The following S1PR4 variants were observed in gnomAD, a reference collection of about 807,000 sequenced individuals.
S1PR4 encodes the protein sphingosine 1-phosphate receptor 4.
In S1PR4, 1 loss-of-function variant was observed where a neutral mutation model predicts 0.4. The ratio of observed to expected loss-of-function variants is 2.48; its 90% CI spans 0.88 to 11.76. The LOEUF (loss-of-function observed/expected upper bound fraction) is 11.76, where lower values mean the gene tolerates loss of function less well. Among genes scored for constraint, S1PR4 ranks in the 30% most tolerant of loss-of-function variants. S1PR4 has a pLI of 0.12. For missense variants in S1PR4, 595 were observed against 557.8 expected (o/e 1.07, Z -0.67); for synonymous variants, 296 against 266.7 (o/e 1.11, Z -1.07).
Position 3,179,966 on chromosome 19 carries a change from G to T in S1PR4, c.*19G>T. ...CATCTGAAGTTGCAGTCTTGCGTGT[G>T]GATGGTGCAGCCACCGGGTGCGTGC... is the stretch of plus-strand genomic sequence containing the variant. On this transcript the variant is annotated 3_prime_UTR_variant, in exon 1 of 1. Coordinates refer to ENST00000246115, the MANE Select transcript of S1PR4 (RefSeq NM_003775.4). 2 of 1,508,668 alleles carry T rather than the reference G, an allele frequency of 1.3e-6. No individual in the cohort carries two copies. The highest frequency in any genetic ancestry group is 2.7e-5 in the South Asian group (2 of 74,676). The allele number at this position is 1,508,668 out of a possible 1,614,324, so 93.5% of individuals were successfully genotyped here.
chr19:3,178,901 G>A lies in S1PR4; in HGVS notation c.109G>A (p.Gly37Arg), dbSNP rs746634486. Residue 37 changes from glycine (G) to arginine (R), a missense_variant, in exon 1 of 1, where the codon GGG (glycine) becomes AGG (arginine). By Grantham distance (125) the Gly-to-Arg change is moderately radical (BLOSUM62 -2). Coordinates refer to ENST00000246115, the MANE Select transcript of S1PR4 (RefSeq NM_003775.4). ...CTACAACCACTCGGGCCGGCTGGCC[G>A]GGCGCGGGGGGCCGGAGGATGGCGG... ...LHYNHSGRLAGRGGPEDGGLG... is the reference protein window; with the variant it reads ...LHYNHSGRLARRGGPEDGGLG... 5.4e-5 allele frequency: 83 copies of A among 1,523,230 alleles called. No homozygotes were observed. The highest frequency in any genetic ancestry group is 1.5e-4 in the Admixed American group (7 of 47,666). The allele number at this position is 1,523,230 out of a possible 1,614,324, so 94.4% of individuals were successfully genotyped here.
At position 3,178,867 on chromosome 19, in the gene S1PR4, T is replaced by A. The variant is rs1479205842; in HGVS notation, c.75T>A (p.Ile25=). The A allele has an allele frequency of 6.5e-7, 1 of 1,537,166 alleles. No homozygotes were observed. The highest frequency in any genetic ancestry group is 2.0e-5 in the Admixed American group (1 of 50,560). The change falls in exon 1 of 1, where the codon ATT becomes ATA. Residue 25 remains isoleucine (I), a synonymous_variant. Coordinates refer to ENST00000246115, the MANE Select transcript of S1PR4 (RefSeq NM_003775.4). The part of the protein sequence containing the change: ...QLAAGGHSRL[I]VLHYNHSGRL... ...CGGCCGGCGGGCACAGCCGGCTCAT[T>A]GTTCTGCACTACAACCACTCGGGCC... is the stretch of plus-strand genomic sequence containing the variant.
Position 3,179,931 on chromosome 19 carries a change from G to C in S1PR4, c.1139G>C (p.Ser380Thr). Residue 380 changes from serine (S) to threonine (T), a missense_variant, in exon 1 of 1, where the codon AGC (serine) becomes ACC (threonine). Physicochemically the swap from Ser to Thr is moderately conservative, Grantham distance 58. Transcript: ENST00000246115. Reference protein sequence around the residue: ...RMREPLSSISSVRSI With the variant: ...RMREPLSSISTVRSI ...CGGGAGCCCCTGTCCAGCATCTCCA[G>C]CGTGCGGAGCATCTGAAGTTGCAGT... 1 of 1,512,292 alleles carries C rather than the reference G, an allele frequency of 6.6e-7. No individual in the cohort carries two copies. The highest frequency in any genetic ancestry group is 2.3e-5 in the East Asian group (1 of 43,540). 93.7% of individuals were successfully genotyped at this position (1,512,292 alleles called of 1,614,324 possible).
rs1915507549 is a variant in S1PR4 at position 3,179,689 on chromosome 19, C to T, written c.897C>T (p.Asn299=). 6.8e-6 allele frequency: 11 copies of T among 1,613,482 alleles called. No homozygotes were observed. In the African/African-American group the frequency reaches 8.0e-5, roughly 12 times the overall value. The change falls in exon 1 of 1, where the codon AAC becomes AAT. Residue 299 remains asparagine (N), a synonymous_variant. Coordinates refer to ENST00000246115, the MANE Select transcript of S1PR4 (RefSeq NM_003775.4). ...GGATCCTGGCCCTGGCCGTCCTCAA[C>T]TCGGCGGTCAACCCCATCATCTACT... The part of the protein sequence containing the change: ...MDWILALAVL[N]SAVNPIIYSF...
Position 3,178,871 on chromosome 19 carries a change from C to G in S1PR4, c.79C>G (p.Leu27Val). 1 of 1,540,562 alleles carries G rather than the reference C, an allele frequency of 6.5e-7. No individual in the cohort carries two copies. Among genetic ancestry groups the G allele is most frequent in the East Asian group, 2.5e-5 (1 of 40,764 alleles). ...AAGGHSRLIV[L>V]HYNHSGRLAG... ...CGGCGGGCACAGCCGGCTCATTGTT[C>G]TGCACTACAACCACTCGGGCCGGCT... Residue 27 changes from leucine (L) to valine (V), a missense_variant, in exon 1 of 1, where the codon CTG becomes GTG. Physicochemically the swap from Leu to Val is conservative, Grantham distance 32. Coordinates refer to ENST00000246115, the MANE Select transcript of S1PR4 (RefSeq NM_003775.4).
rs1251059171 is a variant in S1PR4 at position 3,179,070 on chromosome 19, T to G, written c.278T>G (p.Leu93Arg). The G allele has an allele frequency of 6.2e-7, 1 of 1,610,060 alleles. No individual in the cohort carries two copies. The highest frequency in any genetic ancestry group is 2.2e-5 in the East Asian group (1 of 44,858). Residue 93 changes from leucine to arginine, a missense_variant, in exon 1 of 1, where the codon CTG becomes CGG. Coordinates refer to ENST00000246115, the MANE Select transcript of S1PR4 (RefSeq NM_003775.4). Reference sequence around the variant, plus strand: ...CTGGTGAACATCACGCTGAGTGACCTGCTCACGGGCGCGGCCTACCTGGCC... The same window carrying G: ...CTGGTGAACATCACGCTGAGTGACCGGCTCACGGGCGCGGCCTACCTGGCC... ...YCLVNITLSD[L>R]LTGAAYLANV...
At position 3,179,273 on chromosome 19, in the gene S1PR4, C is replaced by T. The variant is rs1283135441; in HGVS notation, c.481C>T (p.Arg161Cys). The T allele has an allele frequency of 1.2e-6, 2 of 1,603,700 alleles. No homozygotes were observed. The highest frequency in any genetic ancestry group is 1.7e-5 in the Admixed American group (1 of 59,068). The part of the protein sequence containing the change: ...VAESGATKTS[R>C]VYGFIGLCWL... ...CGAGAGCGGGGCCACCAAGACCAGC[C>T]GCGTCTACGGCTTCATCGGCCTCTG... The change falls in exon 1 of 1, where the codon CGC (arginine) becomes TGC (cysteine). Residue 161 changes from arginine to cysteine, a missense_variant. Coordinates refer to ENST00000246115, the MANE Select transcript of S1PR4 (RefSeq NM_003775.4).
Position 3,179,638 on chromosome 19 carries a change from C to G in S1PR4, c.846C>G (p.Ala282=), listed in dbSNP as rs1191903820. 6.2e-7 allele frequency: 1 copy of G among 1,613,176 alleles called. No individual in the cohort carries two copies. Among genetic ancestry groups the G allele is most frequent in the East Asian group, 2.2e-5 (1 of 44,886 alleles). The change falls in exon 1 of 1, where the codon GCC becomes GCG. Residue 282 remains alanine (A), a synonymous_variant. Transcript: ENST00000246115. ...ACGTCTTTGGCTCCAACCTCTGGGCCCAGGAGTACCTGCGGGGCATGGACT... is the reference window on the plus strand; with the variant it reads ...ACGTCTTTGGCTCCAACCTCTGGGCGCAGGAGTACCTGCGGGGCATGGACT... ...LADVFGSNLW[A]QEYLRGMDWI...
Position 3,180,214 on chromosome 19 carries a change from C to A in S1PR4, c.*267C>A. ...GGGGCGAGTGGGTTCCCCACAACCC[C>A]GCTTCTGTGTGATTCTGGGGAAGTC... On this transcript the variant is annotated 3_prime_UTR_variant, in exon 1 of 1. Coordinates refer to ENST00000246115, the MANE Select transcript of S1PR4 (RefSeq NM_003775.4). 1 of 412,674 alleles carries A rather than the reference C, an allele frequency of 2.4e-6. No homozygotes were observed. The highest frequency in any genetic ancestry group is 9.2e-5 in the South Asian group (1 of 10,844). The allele number at this position is 412,674 out of a possible 1,614,324, so 25.6% of individuals were successfully genotyped here.
chr19:3,179,053 C>G lies in S1PR4; in HGVS notation c.261C>G (p.Asn87Lys), dbSNP rs144002553. The stretch of plus-strand genomic sequence containing the variant: ...GCTGGGTCTACTATTGCCTGGTGAA[C>G]ATCACGCTGAGTGACCTGCTCACGG... Reference protein sequence around the residue: ...SRRWVYYCLVNITLSDLLTGA... With the variant: ...SRRWVYYCLVKITLSDLLTGA... The change falls in exon 1 of 1, where the codon AAC becomes AAG. Residue 87 changes from asparagine (N) to lysine (K), a missense_variant. Asn to Lys is a moderately conservative substitution (Grantham distance 94). Transcript: ENST00000246115. The G allele has an allele frequency of 1.9e-6, 3 of 1,608,678 alleles. No homozygotes were observed. Among genetic ancestry groups the G allele is most frequent in the Non-Finnish European group, 1.7e-6 (2 of 1,179,608 alleles).
chr19:3,180,002 C>G lies in S1PR4; in HGVS notation c.*55C>G. 1.4e-6 allele frequency: 2 copies of G among 1,467,442 alleles called. No homozygotes were observed. Among genetic ancestry groups the G allele is most frequent in the Non-Finnish European group, 1.8e-6 (2 of 1,096,030 alleles). The allele number at this position is 1,467,442 out of a possible 1,614,324, so 90.9% of individuals were successfully genotyped here. A position where few individuals can be genotyped will look rare whatever the true frequency, so the allele number is the denominator to read the frequency against. ...CCACCGGGTGCGTGCCAGGCAGGCC[C>G]TCCTGGGGTACAGGAAGCTGTGTGC... On this transcript the variant is annotated 3_prime_UTR_variant, in exon 1 of 1. Transcript: ENST00000246115.
In S1PR4 at chr19:3,179,713, C is replaced by T. The variant is rs573300045; in HGVS notation, c.921C>T (p.Tyr307=). 1.2e-4 allele frequency: 192 copies of T among 1,613,218 alleles called. 2 individuals are homozygous for T. The South Asian group carries it at 2.0e-3, about 17-fold the overall frequency. ...ACTCGGCGGTCAACCCCATCATCTACTCCTTCCGCAGCAGGGAGGTGTGCA... is the reference window on the plus strand; with the variant it reads ...ACTCGGCGGTCAACCCCATCATCTATTCCTTCCGCAGCAGGGAGGTGTGCA... The part of the protein sequence containing the change: ...VLNSAVNPII[Y]SFRSREVCRA... The change falls in exon 1 of 1, where the codon TAC becomes TAT. Residue 307 remains tyrosine, a synonymous_variant. Coordinates refer to ENST00000246115, the MANE Select transcript of S1PR4 (RefSeq NM_003775.4).
Position 3,178,864 on chromosome 19 carries a change from C to G in S1PR4, c.72C>G (p.Leu24=). 1 of 1,537,248 alleles carries G rather than the reference C, an allele frequency of 6.5e-7. No homozygotes were observed. The highest frequency in any genetic ancestry group is 8.7e-7 in the Non-Finnish European group (1 of 1,147,770). ...QQLAAGGHSR[L]IVLHYNHSGR... Reference sequence around the variant, plus strand: ...TGGCGGCCGGCGGGCACAGCCGGCTCATTGTTCTGCACTACAACCACTCGG... The same window carrying G: ...TGGCGGCCGGCGGGCACAGCCGGCTGATTGTTCTGCACTACAACCACTCGG... Residue 24 remains leucine, a synonymous_variant, in exon 1 of 1, where the codon CTC becomes CTG. Transcript: ENST00000246115.
At position 3,179,220 on chromosome 19, in the gene S1PR4, G is replaced by A. The variant is rs183974832; in HGVS notation, c.428G>A (p.Arg143His). 47 of 1,601,880 alleles carry A rather than the reference G, an allele frequency of 2.9e-5. No individual in the cohort carries two copies. The highest frequency in any genetic ancestry group is 4.5e-5 in the East Asian group (2 of 44,710). Residue 143 changes from arginine (R) to histidine (H), a missense_variant, in exon 1 of 1, where the codon CGC becomes CAC. Coordinates refer to ENST00000246115, the MANE Select transcript of S1PR4 (RefSeq NM_003775.4). ...AGCCTGCTCTTCACTGCAGGGGAGC[G>A]CTTTGCCACCATGGTGCGGCCGGTG... is the stretch of plus-strand genomic sequence containing the variant. ...TFSLLFTAGE[R>H]FATMVRPVAE...
In S1PR4 at chr19:3,180,194, G is replaced by A. The variant is rs1357454889; in HGVS notation, c.*247G>A. The A allele has an allele frequency of 2.8e-5, 12 of 432,546 alleles. No individual in the cohort carries two copies. The highest frequency in any genetic ancestry group is 4.2e-5 in the Admixed American group (1 of 23,720). 26.8% of individuals were successfully genotyped at this position (432,546 alleles called of 1,614,324 possible). A position where few individuals can be genotyped will look rare whatever the true frequency, so the allele number is the denominator to read the frequency against. On this transcript the variant is annotated 3_prime_UTR_variant, in exon 1 of 1. Transcript: ENST00000246115. ...GCAGAGAGCACCCTGGTGTGGGGGC[G>A]AGTGGGTTCCCCACAACCCCGCTTC...
rs184764464 is a variant in S1PR4, at chr19:3,180,025, T to C, written c.*78T>C. On this transcript the variant is annotated 3_prime_UTR_variant, in exon 1 of 1. Coordinates refer to ENST00000246115, the MANE Select transcript of S1PR4 (RefSeq NM_003775.4). ...CCCTCCTGGGGTACAGGAAGCTGTG[T>C]GCACGCAGCCTCGCCTGTATGGGGA... is the stretch of plus-strand genomic sequence containing the variant. 158 of 1,367,088 alleles carry C rather than the reference T, an allele frequency of 1.2e-4. No homozygotes were observed. The African/African-American group carries it at 2.1e-3, about 18-fold the overall frequency. 84.7% of individuals were successfully genotyped at this position (1,367,088 alleles called of 1,614,324 possible).
chr19:3,178,907 G>T lies in S1PR4; in HGVS notation c.115G>T (p.Gly39Trp), dbSNP rs772887666. Residue 39 changes from glycine (G) to tryptophan (W), a missense_variant, in exon 1 of 1, where the codon GGG becomes TGG. By Grantham distance (184) the Gly-to-Trp change is radical. Transcript: ENST00000246115. ...CCACTCGGGCCGGCTGGCCGGGCGC[G>T]GGGGGCCGGAGGATGGCGGCCTGGG... is the stretch of plus-strand genomic sequence containing the variant. The part of the protein sequence containing the change: ...YNHSGRLAGR[G>W]GPEDGGLGAL... The T allele has an allele frequency of 2.0e-6, 3 of 1,522,434 alleles. No individual in the cohort carries two copies. Among genetic ancestry groups the T allele is most frequent in the Non-Finnish European group, 8.8e-7 (1 of 1,140,592 alleles). 94.3% of individuals were successfully genotyped at this position (1,522,434 alleles called of 1,614,324 possible).
In S1PR4 at chr19:3,179,586, G is replaced by A; in HGVS notation, c.794G>A (p.Gly265Asp). 1 of 1,613,078 alleles carries A rather than the reference G, an allele frequency of 6.2e-7. No homozygotes were observed. Among genetic ancestry groups the A allele is most frequent in the Non-Finnish European group, 8.5e-7 (1 of 1,179,838 alleles). Residue 265 changes from glycine to aspartate, a missense_variant, in exon 1 of 1, where the codon GGC (glycine) becomes GAC (aspartate). By Grantham distance (94) the Gly-to-Asp change is moderately conservative. Coordinates refer to ENST00000246115, the MANE Select transcript of S1PR4 (RefSeq NM_003775.4). ...CTGCTGGCCTTCCTGGTGTGCTGGG[G>A]CCCACTCTTCGGGCTGCTGCTGGCC... ...MILLAFLVCW[G>D]PLFGLLLADV...
rs148468343 is a variant in S1PR4, at chr19:3,179,779, G to C, written c.987G>C (p.Leu329=). 4.8e-4 allele frequency: 769 copies of C among 1,607,374 alleles called. 6 individuals carry two copies. In the African/African-American group the frequency reaches 9.4e-3, roughly 20 times the overall value. Residue 329 remains leucine (L), a synonymous_variant, in exon 1 of 1, where the codon CTG becomes CTC. Transcript: ENST00000246115. ...LSFLCCGCLR[L]GMRGPGDCLA... is the part of the protein sequence containing the mutation. ...TCCTCTGCTGCGGGTGTCTCCGGCT[G>C]GGCATGCGAGGGCCCGGGGACTGCC...
Sources: allele counts gnomAD v4.1 joint callset, GRCh38; gene constraint gnomAD v4.1.1; transcripts MANE v1.5; gene names NCBI Gene and HGNC (gene_info 2026-07-23, HGNC 2026-07-21).